Variants in FBLN2 observed in about 807,000 individuals in gnomAD.
FBLN2 encodes the protein fibulin 2.
Under a neutral mutation model 123.7 loss-of-function variants are expected in FBLN2, and 81 were observed. The observed-to-expected ratio is 0.65, with a 90% CI of 0.55 to 0.79. The LOEUF (loss-of-function observed/expected upper bound fraction) is 0.79, where lower values mean the gene tolerates loss of function less well. Ranked by LOEUF, FBLN2 falls within the 30% of genes least tolerant of loss-of-function variation. The probability of loss-of-function intolerance (pLI) is 0.00; values close to 1 mark genes in which losing one functional copy is unlikely to be tolerated. For missense variants in FBLN2, 1,603 were observed against 1,681.3 expected, an observed-to-expected ratio of 0.95 and a Z score of 0.81; for synonymous variants, 699 against 701.4, an observed-to-expected ratio of 1.00 and a Z score of 0.05.
chr3:13,580,491 A>G (rs973908426), intron 2 of FBLN2, among the ~76,000 whole-genome samples: 6 of 152,216 alleles, frequency 3.9e-5, no homozygotes, highest in African/African-American at 1.2e-4. Flanking sequence ...TCACACAGTC[A>G]ACAAAATGAA....
chr3:13,612,294 C>CCTTCCTTTCTTT (rs1553620958), intron 4 of FBLN2, among the ~76,000 whole-genome samples: 1 of 117,284 alleles, frequency 8.5e-6, no homozygotes, highest in Admixed American at 8.5e-5. Context: ...CTTTTATTTT[C>CCTTCCTTTCTTT]CTTTCTTTCT....
Position 13,603,953 on chromosome 3 carries a change from A to C in FBLN2, c.1307-4109A>C, listed in dbSNP as rs531823429. Among the ~76,000 whole-genome samples the C allele has an allele frequency of 5.2e-4, 79 of 152,162 alleles. No homozygotes were observed. In the South Asian group the frequency reaches 0.016, roughly 31 times the overall value. On this transcript the variant is annotated intron_variant, in intron 2 of 17. Coordinates refer to ENST00000404922, the MANE Select transcript of FBLN2 (RefSeq NM_001004019.2). ...TCTGACTGGTGTGAGATGGTATTTC[A>C]TTGTGGTTTTGATTTGCATTTCTCT...
At chr3:13,580,821 G>A (rs1704301032) in intron 2 of FBLN2, among the ~76,000 whole-genome samples, 1 of 152,224 alleles carries the variant, frequency 6.6e-6, no homozygotes, top group Non-Finnish European at 1.5e-5. Flanking sequence ...CCTCCGTAGC[G>A]CACACAGTGC....
chr3:13,613,985 A>G lies in FBLN2; in HGVS notation c.1550A>G (p.Gln517Arg). ...NDSCGISLYK[Q>R]CCDCCGLGLR... ...AGTGATAACTGTCTCTCCCTGCAGC[A>G]ATGCTGTGACTGCTGTGGCCTGGGC... Residue 517 changes from glutamine to arginine, a missense_variant and splice_region_variant, in exon 5 of 18, where the codon CAA becomes CGA. Gln to Arg is a conservative substitution (Grantham distance 43). Transcript: ENST00000404922. The G allele has an allele frequency of 6.2e-7, 1 of 1,611,722 alleles. No individual in the cohort carries two copies. The highest frequency in any genetic ancestry group is 1.1e-5 in the South Asian group (1 of 90,996).
At chr3:13,599,525 G>A (rs751021483) in intron 2 of FBLN2, among the ~76,000 whole-genome samples, 50 of 152,230 alleles carry the variant, frequency 3.3e-4, no homozygotes, top group Non-Finnish European at 5.4e-4. Context: ...ATAGGCGCAG[G>A]AGTGATCCAA....
rs1703959428 is a variant in FBLN2 at position 13,571,571 on chromosome 3, C to T, written c.1216C>T (p.Pro406Ser). Residue 406 changes from proline (P) to serine (S), a missense_variant, in exon 2 of 18, where the codon CCC becomes TCC. Physicochemically the swap from Pro to Ser is moderately conservative, Grantham distance 74. Transcript: ENST00000404922. The stretch of plus-strand genomic sequence containing the variant: ...CTGGATCCCACCCACCCGAGAAGTG[C>T]CCAGGAAGCCGCAAGTTCTGCCCCA... Reference protein sequence around the residue: ...AAWIPPTREVPRKPQVLPHSH... With the variant: ...AAWIPPTREVSRKPQVLPHSH... The T allele has an allele frequency of 6.2e-7, 1 of 1,613,502 alleles. No individual in the cohort carries two copies.
Position 13,571,721 on chromosome 3 carries a change from T to C in FBLN2, c.1306+60T>C, listed in dbSNP as rs762676290. On this transcript the variant is annotated intron_variant, in intron 2 of 17. Transcript: ENST00000404922. ...GTGTGGGAAGGGCAGCCTTGGGCTC[T>C]GGCCGCTGCCCCAGGTCTCTGCCTG... 304 of 1,464,214 alleles carry C rather than the reference T, an allele frequency of 2.1e-4. 1 individual carries two copies. The highest frequency in any genetic ancestry group is 2.4e-4 in the Non-Finnish European group (261 of 1,102,356). The allele number at this position is 1,464,214 out of a possible 1,614,324, so 90.7% of individuals were successfully genotyped here.
chr3:13,598,429 C>A (rs1178605996), intron 2 of FBLN2, among the ~76,000 whole-genome samples: 1 of 152,238 alleles, frequency 6.6e-6, no homozygotes, highest in Non-Finnish European at 1.5e-5. Flanking sequence ...GGTGGAAGGA[C>A]ATGCCTGTGC....
At chr3:13,585,714 C>T (rs907412212) in intron 2 of FBLN2, among the ~76,000 whole-genome samples, 5 of 152,102 alleles carry the variant, frequency 3.3e-5, no homozygotes, top group African/African-American at 1.2e-4. Flanking sequence ...TCGCTTGAAC[C>T]CAGGAGGCGG....
chr3:13,635,066 A>G (rs1706409202), intron 16 of FBLN2, among the ~76,000 whole-genome samples: 1 of 152,084 alleles, frequency 6.6e-6, no homozygotes. Context: ...CTGCTGTGTG[A>G]TCTTGAGCAA....
At chr3:13,573,072 C>T (rs1238636829) in intron 2 of FBLN2, among the ~76,000 whole-genome samples, 1 of 152,166 alleles carries the variant, frequency 6.6e-6, no homozygotes, top group East Asian at 1.9e-4. Flanking sequence ...CTCACAGACC[C>T]ACAGACATTG....
chr3:13,561,225 C>T (rs1238816516), intron 1 of FBLN2, among the ~76,000 whole-genome samples: 6 of 152,148 alleles, frequency 3.9e-5, no homozygotes, highest in African/African-American at 1.4e-4. Flanking sequence ...TGGAATCTGT[C>T]CCAGATTTCT....
intron 2 of FBLN2, among the ~76,000 whole-genome samples, chr3:13,607,537 C>T (rs1219948776): frequency 6.6e-6 from 1 of 152,148 alleles, no homozygotes; most frequent in Non-Finnish European, 1.5e-5. Context: ...CATAAAACTT[C>T]CGTGAATTTC....
chr3:13,564,025 C>T (rs1023997368), intron 1 of FBLN2, among the ~76,000 whole-genome samples: 3 of 152,190 alleles, frequency 2.0e-5, no homozygotes, highest in African/African-American at 7.2e-5. Context: ...CCCAGGGAAG[C>T]CCTGTTGCTG....
At chr3:13,612,687 CT>C (rs1705446217) in intron 4 of FBLN2, among the ~76,000 whole-genome samples, 1 of 152,124 alleles carries the variant, frequency 6.6e-6, no homozygotes, top group Admixed American at 6.5e-5. Context: ...GGCCAGTTCT[CT>C]TTTCTTAGCC....
chr3:13,556,481 C>T (rs908946115), intron 1 of FBLN2, among the ~76,000 whole-genome samples: 1 of 152,226 alleles, frequency 6.6e-6, no homozygotes, highest in African/African-American at 2.4e-5. Context: ...GGCCCCACCC[C>T]CTGATACCAT....
At chr3:13,588,126 T>A (rs995029315) in intron 2 of FBLN2, among the ~76,000 whole-genome samples, 3 of 152,238 alleles carry the variant, frequency 2.0e-5, no homozygotes, top group Non-Finnish European at 4.4e-5. Flanking sequence ...CCACTTTTTA[T>A]CTTTTATATC....
intron 1 of FBLN2, among the ~76,000 whole-genome samples, chr3:13,564,135 G>A (rs550435055): frequency 1.2e-3 from 182 of 152,300 alleles, no homozygotes; most frequent in Non-Finnish European, 1.9e-3. Context: ...AAAGCACCAT[G>A]TGGGCCCCAC....
intron 3 of FBLN2, 116 bp from the exon 4 acceptor site, chr3:13,609,397 A>C: frequency 2.5e-6 from 3 of 1,220,742 alleles, no homozygotes; most frequent in Non-Finnish European, 3.3e-6. Context: ...TGCCACCTGC[A>C]CCGGCTCCCT....
Sources: allele counts gnomAD v4.1 joint callset (sites outside exome capture counted in the v4.1 genomes callset), GRCh38; gene constraint gnomAD v4.1.1; transcripts MANE v1.5; gene names NCBI Gene and HGNC (gene_info 2026-07-23, HGNC 2026-07-21).